USP40: variants seen among roughly 807,000 people sequenced by gnomAD.
The protein encoded by USP40 is ubiquitin carboxyl-terminal hydrolase 40.
USP40 carries 143 observed loss-of-function variants against 166.2 expected under a neutral mutation model. The observed-to-expected ratio is 0.86, with a 90% CI of 0.75 to 0.99. The LOEUF is 0.99. Among genes scored for constraint, USP40 ranks in the 50% least tolerant of loss-of-function variants. USP40 has a pLI of 0.00. For synonymous variants in USP40, 498 were observed against 524.0 expected (o/e 0.95, Z 0.68); for missense variants, 1,444 against 1,479.7 (o/e 0.98, Z 0.40).
intron 11 of USP40, among the ~76,000 whole-genome samples, chr2:233,532,682 C>T (rs184985339): frequency 7.2e-5 from 11 of 152,302 alleles, no homozygotes; most frequent in African/African-American, 2.6e-4. Context: ...GACCCTCTAC[C>T]GATGACACCA....
At chr2:233,566,437 G>C (rs1424664453) in intron 1 of USP40, among the ~76,000 whole-genome samples, 2 of 152,306 alleles carry the variant, frequency 1.3e-5, no homozygotes, top group Admixed American at 6.5e-5. Flanking sequence ...CCTCGAGCTC[G>C]TTGTCTGCAT....
At chr2:233,520,556 T>A (rs1406823710) in intron 17 of USP40, among the ~76,000 whole-genome samples, 1 of 152,096 alleles carries the variant, frequency 6.6e-6, no homozygotes, top group Admixed American at 6.5e-5. Context: ...AACACCTGGC[T>A]TTACAGAAAA....
At chr2:233,496,909 G>T in intron 23 of USP40, 77 bp from the exon 24 acceptor site, 1 of 1,054,428 alleles carries the variant, frequency 9.5e-7, no homozygotes, top group Non-Finnish European at 1.4e-6. Context: ...AAAACCCCAT[G>T]CCTCTATTAT....
intron 10 of USP40, among the ~76,000 whole-genome samples, chr2:233,534,021 G>A (rs1575307997): frequency 6.6e-6 from 1 of 152,218 alleles, no homozygotes; most frequent in East Asian, 1.9e-4. Flanking sequence ...AATCTAAAAA[G>A]CATTTTGATT....
chr2:233,551,442 T>A lies in USP40; in HGVS notation c.771A>T (p.Glu257Asp), dbSNP rs543889523. The change falls in exon 7 of 32, where the codon GAA becomes GAT. Residue 257 changes from glutamate (E) to aspartate (D), a missense_variant. Transcript: ENST00000678225. ...LRFNFDFVKC[E>D]RYKETSCYTF... Reference sequence around the variant, plus strand: ...TATAACAGCTAGTTTCCTTGTAGCGTTCGCATTTCACAAAATCAAAATTAA... The same window carrying A: ...TATAACAGCTAGTTTCCTTGTAGCGATCGCATTTCACAAAATCAAAATTAA... 295 of 1,612,810 alleles carry A rather than the reference T, an allele frequency of 1.8e-4. 1 individual carries two copies. In the South Asian group the frequency reaches 3.1e-3, roughly 17 times the overall value.
chr2:233,545,287 T>C (rs928169402), intron 8 of USP40, among the ~76,000 whole-genome samples: 1 of 152,038 alleles, frequency 6.6e-6, no homozygotes, highest in Non-Finnish European at 1.5e-5. Context: ...AAACCGGCAA[T>C]GTAGAGATGA....
At chr2:233,525,683 T>A in intron 13 of USP40, 121 bp from the exon 14 acceptor site, 1 of 652,282 alleles carries the variant, frequency 1.5e-6, no homozygotes. Context: ...ATGAATACTC[T>A]CACCCCCACC....
chr2:233,515,516 TTGTA>T (rs1559242894), intron 18 of USP40, among the ~76,000 whole-genome samples: 3 of 152,218 alleles, frequency 2.0e-5, no homozygotes, highest in Non-Finnish European at 2.9e-5. Flanking sequence ...ACGTCTTCTT[TTGTA>T]AAGTGTCTGT....
At chr2:233,505,615 A>G (rs920587988) in intron 21 of USP40, among the ~76,000 whole-genome samples, 3 of 152,210 alleles carry the variant, frequency 2.0e-5, no homozygotes, top group Non-Finnish European at 4.4e-5. Flanking sequence ...CAATATACTA[A>G]GATTAAATGA....
Position 233,480,947 on chromosome 2 carries a change from G to T in USP40, c.3599+256C>A, listed in dbSNP as rs756009701. On this transcript the variant is annotated intron_variant, in intron 31 of 31. Coordinates refer to ENST00000678225, the MANE Select transcript of USP40 (RefSeq NM_001365479.2). The surrounding 1 kb of genome is among the most constrained non-coding windows in gnomAD (Gnocchi z 4.5). ...TGAGGAGGAAGGAGGGGGACCGGGGGGCCATGGATCTGCGGGCTCCTCATC... is the reference window on the plus strand; with the variant it reads ...TGAGGAGGAAGGAGGGGGACCGGGGTGCCATGGATCTGCGGGCTCCTCATC... 1.6e-4 allele frequency among the ~76,000 whole-genome samples: 24 copies of T among 152,138 alleles called. No individual in the cohort carries two copies. The highest frequency in any genetic ancestry group is 3.4e-4 in the Non-Finnish European group (23 of 68,022).
At chr2:233,507,222 T>C (rs2066487275) in intron 21 of USP40, among the ~76,000 whole-genome samples, 1 of 152,190 alleles carries the variant, frequency 6.6e-6, no homozygotes, top group Non-Finnish European at 1.5e-5. Context: ...GCACTGTCGG[T>C]GAGACTGTAA....
intron 22 of USP40, among the ~76,000 whole-genome samples, chr2:233,499,452 C>G (rs932117294): frequency 6.6e-6 from 1 of 152,084 alleles, no homozygotes; most frequent in Admixed American, 6.5e-5. Flanking sequence ...CTATTGTGAA[C>G]AGTGCTGCAA....
chr2:233,535,836 C>T (rs1039422177), intron 10 of USP40, among the ~76,000 whole-genome samples: 1 of 152,032 alleles, frequency 6.6e-6, no homozygotes, highest in Non-Finnish European at 1.5e-5. Context: ...ATCTATTGCA[C>T]AGTATGGTAA....
At chr2:233,477,614 A>T (rs2064255690) in intron 31 of USP40, 111 bp from the exon 32 acceptor site, 1 of 919,538 alleles carries the variant, frequency 1.1e-6, no homozygotes, top group Admixed American at 2.1e-5. Flanking sequence ...AAGGACGTGC[A>T]TTTGCAATTG....
At chr2:233,494,242 A>T (rs2065520521) in intron 24 of USP40, among the ~76,000 whole-genome samples, 1 of 151,934 alleles carries the variant, frequency 6.6e-6, no homozygotes, top group Non-Finnish European at 1.5e-5. Context: ...CATTCGATTA[A>T]ATAAATGTAA....
At chr2:233,536,927 C>A (rs1041188993) in intron 10 of USP40, among the ~76,000 whole-genome samples, 43 of 151,808 alleles carry the variant, frequency 2.8e-4, no homozygotes, top group African/African-American at 1.0e-3. Context: ...ATCCTGTTGC[C>A]CAGTCTGCAG....
At chr2:233,554,652 A>G in intron 5 of USP40, 126 bp from the exon 6 acceptor site, 1 of 665,438 alleles carries the variant, frequency 1.5e-6, no homozygotes, top group Non-Finnish European at 2.2e-6. Flanking sequence ...AAAGATGTAG[A>G]TCTCCTGATT....
At chr2:233,521,820 C>A (rs1051585649) in intron 16 of USP40, among the ~76,000 whole-genome samples, 5 of 152,262 alleles carry the variant, frequency 3.3e-5, no homozygotes, top group South Asian at 2.1e-4. Flanking sequence ...GTATGAAGCA[C>A]AAGATGCTCC....
chr2:233,554,042 T>G lies in USP40; in HGVS notation c.693+338A>C, dbSNP rs572829233. Among the ~76,000 whole-genome samples, 146 of 152,266 alleles carry G rather than the reference T, an allele frequency of 9.6e-4. 1 individual carries two copies. The highest frequency in any genetic ancestry group is 3.2e-3 in the African/African-American group (133 of 41,558). On this transcript the variant is annotated intron_variant, in intron 6 of 31. Transcript: ENST00000678225. ...AAATGAAGACAGCCATCTACTTTCA[T>G]AGTAGTAAAGAAAGCAAAGCTCAAC...
Sources: allele counts gnomAD v4.1 joint callset (sites outside exome capture counted in the v4.1 genomes callset), GRCh38; gene constraint gnomAD v4.1.1; non-coding constraint Gnocchi (gnomAD v3.1); transcripts MANE v1.5; gene names NCBI Gene and HGNC (gene_info 2026-07-23, HGNC 2026-07-21).